The following PRICKLE1 variants were observed in gnomAD, a reference collection of about 807,000 sequenced individuals.
PRICKLE1 encodes the protein prickle planar cell polarity protein 1, also known as prickle-like protein 1.
In PRICKLE1, 14 loss-of-function variants were observed where a neutral mutation model predicts 70.2. That is an observed-to-expected ratio of 0.20 (90% CI 0.13 to 0.31). The LOEUF (loss-of-function observed/expected upper bound fraction) is 0.31. PRICKLE1 is among the 10% of genes least tolerant of loss of function. The pLI is 1.00. For missense variants in PRICKLE1, 821 were observed against 1,026.2 expected, an observed-to-expected ratio of 0.80 and a Z score of 2.73; for synonymous variants, 357 against 379.9, an observed-to-expected ratio of 0.94 and a Z score of 0.70.
chr12:42,466,329 T>C lies in PRICKLE1; in HGVS notation c.640A>G (p.Lys214Glu). 1 of 1,614,212 alleles carries C rather than the reference T, an allele frequency of 6.2e-7. No individual in the cohort carries two copies. Among genetic ancestry groups the C allele is most frequent in the Non-Finnish European group, 8.5e-7 (1 of 1,180,044 alleles). Residue 214 changes from lysine (K) to glutamate (E), a missense_variant, in exon 6 of 8, where the codon AAA becomes GAA. Coordinates refer to ENST00000345127, the MANE Select transcript of PRICKLE1 (RefSeq NM_153026.3). ...TEAEGRHWHMKHFCCLECETV... is the reference protein window; with the variant it reads ...TEAEGRHWHMEHFCCLECETV... ...TCACACTCAAGGCAGCAGAAGTGTT[T>C]CATGTGCCAATGGCGACCCTCAGCT...
At chr12:42,474,242 AG>A (rs1419682951) in intron 1 of PRICKLE1, among the ~76,000 whole-genome samples, 2 of 152,240 alleles carry the variant, frequency 1.3e-5, no homozygotes, top group Non-Finnish European at 2.9e-5. Flanking sequence ...CCTGGACTCC[AG>A]CCTGGGCGAC....
At position 42,541,512 on chromosome 12, in the gene PRICKLE1, A is replaced by G. The variant is rs150854292; in HGVS notation, c.-49+47953T>C. On this transcript the variant is annotated intron_variant, in intron 1 of 7. Transcript: ENST00000345127. ...ACTGCCACGCCCAGCTAATTTTTAC[A>G]TTTTTTGTAGAGATGGGGTCTCACT... Among the ~76,000 whole-genome samples the G allele has an allele frequency of 9.9e-5, 15 of 151,580 alleles. No homozygotes were observed. The East Asian group carries it at 2.9e-3, about 30-fold the overall frequency.
intron 1 of PRICKLE1, among the ~76,000 whole-genome samples, chr12:42,574,313 C>T (rs887973390): frequency 2.0e-5 from 3 of 152,198 alleles, no homozygotes; most frequent in African/African-American, 7.2e-5. Context: ...ACTTTCCATG[C>T]TAAGCTTCCA....
At chr12:42,568,748 G>A (rs569549008) in intron 1 of PRICKLE1, among the ~76,000 whole-genome samples, 1 of 152,148 alleles carries the variant, frequency 6.6e-6, no homozygotes, top group Non-Finnish European at 1.5e-5. Context: ...GGCATATATT[G>A]CATGATGGCG....
chr12:42,544,678 A>T (rs1940175268), intron 1 of PRICKLE1, among the ~76,000 whole-genome samples: 1 of 152,196 alleles, frequency 6.6e-6, no homozygotes, highest in South Asian at 2.1e-4. Flanking sequence ...GCTCTTAAAA[A>T]TTTTTATTTT....
At chr12:42,509,634 A>G (rs1196736039) in intron 1 of PRICKLE1, among the ~76,000 whole-genome samples, 1 of 152,174 alleles carries the variant, frequency 6.6e-6, no homozygotes, top group Non-Finnish European at 1.5e-5. Flanking sequence ...GAATGACTGA[A>G]TGACCAGCTT....
At chr12:42,493,473 G>A (rs1159317954) in intron 1 of PRICKLE1, among the ~76,000 whole-genome samples, 1 of 152,110 alleles carries the variant, frequency 6.6e-6, no homozygotes, top group African/African-American at 2.4e-5. Flanking sequence ...AAATTCAAAC[G>A]AATTGACTAA....
intron 1 of PRICKLE1, among the ~76,000 whole-genome samples, chr12:42,553,622 A>T (rs1489485358): frequency 6.6e-6 from 1 of 151,912 alleles, no homozygotes; most frequent in Non-Finnish European, 1.5e-5. Context: ...TCTAAGCTTC[A>T]GTTTCCTCAT....
chr12:42,525,711 T>A (rs942473054), intron 1 of PRICKLE1, among the ~76,000 whole-genome samples: 9 of 149,208 alleles, frequency 6.0e-5, no homozygotes, highest in Admixed American at 2.6e-4. Context: ...AAAGCAGCTT[T>A]GTTTGCTTTT....
At chr12:42,468,415 G>A (rs1028958310) in intron 5 of PRICKLE1, among the ~76,000 whole-genome samples, 3 of 152,190 alleles carry the variant, frequency 2.0e-5, no homozygotes, top group Middle Eastern at 6.9e-3. Context: ...AAAATTAATT[G>A]CGGTTTTGAC....
At chr12:42,539,239 G>C (rs922348481) in intron 1 of PRICKLE1, among the ~76,000 whole-genome samples, 1 of 152,128 alleles carries the variant, frequency 6.6e-6, no homozygotes, top group Non-Finnish European at 1.5e-5. Context: ...AGGCCGAGGC[G>C]GGTGGATCAC....
chr12:42,476,737 T>G (rs953225331), intron 1 of PRICKLE1, among the ~76,000 whole-genome samples: 1 of 152,136 alleles, frequency 6.6e-6, no homozygotes, highest in African/African-American at 2.4e-5. Flanking sequence ...CCTGTCTACC[T>G]CCCAGGTCCA....
At chr12:42,495,070 A>AT (rs869061305) in intron 1 of PRICKLE1, among the ~76,000 whole-genome samples, 3 of 151,002 alleles carry the variant, frequency 2.0e-5, no homozygotes, top group African/African-American at 7.3e-5. Context: ...ATTAAAAAAA[A>AT]TTTTTTAAGA....
At chr12:42,491,419 G>C (rs1311821721) in intron 1 of PRICKLE1, among the ~76,000 whole-genome samples, 1 of 151,450 alleles carries the variant, frequency 6.6e-6, no homozygotes, top group Non-Finnish European at 1.5e-5. Context: ...CAGGCATGGT[G>C]GTGGGTGCCT....
At chr12:42,469,906 C>T in intron 3 of PRICKLE1, 1 of 495,112 alleles carries the variant, frequency 2.0e-6, no homozygotes, top group East Asian at 3.9e-5. Flanking sequence ...CTTTTACTCT[C>T]CATTCTACAT....
At chr12:42,477,303 C>T (rs959576246) in intron 1 of PRICKLE1, among the ~76,000 whole-genome samples, 4 of 149,184 alleles carry the variant, frequency 2.7e-5, no homozygotes, top group African/African-American at 9.9e-5. Flanking sequence ...AGCCAGGAGG[C>T]AGAGGTTGCG....
chr12:42,508,603 G>T (rs1206053380), intron 1 of PRICKLE1, among the ~76,000 whole-genome samples: 1 of 152,030 alleles, frequency 6.6e-6, no homozygotes, highest in Admixed American at 6.6e-5. Flanking sequence ...AGAGGTAAAA[G>T]AAAAAATACA....
At chr12:42,546,945 G>T (rs1429633990) in intron 1 of PRICKLE1, among the ~76,000 whole-genome samples, 1 of 152,128 alleles carries the variant, frequency 6.6e-6, no homozygotes, top group Non-Finnish European at 1.5e-5. Context: ...GAAAAGAAAA[G>T]AAAGAAACTT....
chr12:42,541,325 A>T (rs1462078865), intron 1 of PRICKLE1, among the ~76,000 whole-genome samples: 2 of 151,648 alleles, frequency 1.3e-5, no homozygotes, highest in African/African-American at 4.8e-5. Flanking sequence ...AAATCATGCC[A>T]ACTCTACTCT....
Sources: gnomAD v4.1 joint callset for allele counts (sites outside exome capture counted in the v4.1 genomes callset) on GRCh38, gnomAD v4.1.1 for gene constraint, MANE v1.5 for transcripts, NCBI Gene and HGNC (gene_info 2026-07-23, HGNC 2026-07-21) for gene names.